The following SAGE1 variants were observed in gnomAD, a reference collection of about 807,000 sequenced individuals.
The protein encoded by SAGE1 is sarcoma antigen 1, also known as cancer/testis antigen 14.
Under a neutral mutation model 55.4 loss-of-function variants are expected in SAGE1, and 55 were observed. The ratio of observed to expected loss-of-function variants is 0.99; its 90% confidence interval spans 0.80 to 1.24. The LOEUF (loss-of-function observed/expected upper bound fraction) is 1.24. Ranked by LOEUF, SAGE1 falls within the 50% of genes most tolerant of loss-of-function variation. The probability of loss-of-function intolerance (pLI) is 0.00; values close to 1 mark genes in which losing one functional copy is unlikely to be tolerated. For missense variants in SAGE1, 710 were observed against 704.4 expected (o/e 1.01, Z -0.09); for synonymous variants, 240 against 244.3 (o/e 0.98, Z 0.17).
At chrX:135,894,133 G>C (rs1314917242) in intron 1 of SAGE1, among the ~76,000 whole-genome samples, 1 of 111,917 alleles carries the variant, frequency 8.9e-6, no homozygotes, top group Non-Finnish European at 1.9e-5. Context: ...GAGTGCAATG[G>C]CATGATCTTG....
intron 2 of SAGE1, among the ~76,000 whole-genome samples, chrX:135,897,762 T>A (rs1457227822): frequency 9.0e-6 from 1 of 111,227 alleles, no homozygotes; most frequent in Non-Finnish European, 1.9e-5. Flanking sequence ...ACTGCACCTA[T>A]GAACCCATCA....
intron 1 of SAGE1, 120 bp from the exon 2 acceptor site, chrX:135,896,123 T>G (rs1556593464): frequency 4.1e-6 from 2 of 490,410 alleles, no homozygotes; most frequent in Non-Finnish European, 7.4e-6. Flanking sequence ...TGTGATCATG[T>G]ACTCTCAAGA....
At position 135,904,481 on chromosome X, in the gene SAGE1, T is replaced by C. The variant is rs781864108; in HGVS notation, c.225T>C (p.Ala75=). 57 of 1,200,816 alleles carry C rather than the reference T, an allele frequency of 4.7e-5. No individual in the cohort carries two copies. Among genetic ancestry groups the C allele is most frequent in the Non-Finnish European group, 6.1e-5 (54 of 887,025 alleles). ...MSSWLDKQED[A]AVTHSICEER... ...ACCACTTCATTTGGTTTCCAGATGC[T>C]GCAGTCACTCACAGCATTTGTGAAG... Residue 75 remains alanine (A), a synonymous_variant, in exon 4 of 20, where the codon GCT becomes GCC. Transcript: ENST00000370709.
chrX:135,907,985 C>A, intron 10 of SAGE1, 104 bp from the exon 11 acceptor site: 1 of 1,064,746 alleles, frequency 9.4e-7, no homozygotes, highest in South Asian at 2.1e-5. Context: ...TATCCTAGTT[C>A]CTTAGGAGAT....
intron 14 of SAGE1, 67 bp from the exon 15 acceptor site, chrX:135,909,963 A>C: frequency 9.2e-7 from 1 of 1,089,138 alleles, no homozygotes; most frequent in Non-Finnish European, 1.2e-6. Context: ...GAGCATCAGG[A>C]AGATATACCT....
chrX:135,904,260 T>C (rs1420843052), intron 3 of SAGE1, among the ~76,000 whole-genome samples: 1 of 112,104 alleles, frequency 8.9e-6, no homozygotes, highest in Non-Finnish European at 1.9e-5. Context: ...CTACGAGGAT[T>C]CCACTACGCA....
rs782644951 is a variant in SAGE1 at position 135,912,068 on chromosome X, A to G, written c.2521+115A>G. 3.1e-5 allele frequency: 35 copies of G among 1,115,072 alleles called. No individual in the cohort carries two copies. The African/African-American group carries it at 5.4e-4, about 17-fold the overall frequency. The allele number at this position is 1,115,072 out of a possible 1,213,427, so 91.9% of individuals were successfully genotyped here. ...TTGTTTGGCTGAATTGGATCTATAT[A>G]TAATTTAGCATGGCTTTACTTTAAT... On this transcript the variant is annotated intron_variant, in intron 18 of 19. Coordinates refer to ENST00000370709, the MANE Select transcript of SAGE1 (RefSeq NM_001381902.1).
chrX:135,895,317 A>G (rs2088568959), intron 1 of SAGE1, among the ~76,000 whole-genome samples: 1 of 112,075 alleles, frequency 8.9e-6, no homozygotes, highest in Non-Finnish European at 1.9e-5. Flanking sequence ...AGTATCCAGG[A>G]TAATTGGCAA....
intron 19 of SAGE1, 97 bp from the exon 20 acceptor site, chrX:135,912,701 T>A: frequency 8.8e-7 from 1 of 1,131,498 alleles, no homozygotes; most frequent in Non-Finnish European, 1.2e-6. Flanking sequence ...TCTGTTTGCA[T>A]GTAGATGGTA....
At chrX:135,908,318 C>A (rs1318205089) in intron 11 of SAGE1, 89 bp downstream of exon 11, 2 of 1,043,036 alleles carry the variant, frequency 1.9e-6, no homozygotes, top group Non-Finnish European at 2.6e-6. Flanking sequence ...ATTATATTGT[C>A]TTTCGTGAGT....
At chrX:135,906,692 A>G (rs1207069302) in intron 7 of SAGE1, 141 bp downstream of exon 7, 2 of 722,473 alleles carry the variant, frequency 2.8e-6, no homozygotes, top group African/African-American at 4.4e-5. Flanking sequence ...AAGTTTGTTT[A>G]TTTGTATTAC....
chrX:135,905,940 A>T, intron 5 of SAGE1, 84 bp from the exon 6 acceptor site: 1 of 833,214 alleles, frequency 1.2e-6, no homozygotes, highest in Non-Finnish European at 1.7e-6. Flanking sequence ...ATAATTTCCT[A>T]GAAACTGAGC....
chrX:135,902,923 C>T (rs1462637513), intron 3 of SAGE1, among the ~76,000 whole-genome samples: 1 of 111,796 alleles, frequency 8.9e-6, no homozygotes, highest in Admixed American at 9.5e-5. Flanking sequence ...GCTCATCTAT[C>T]GCATACTCTC....
Position 135,906,076 on chromosome X carries a change from C to G in SAGE1, c.507C>G (p.Pro169=), listed in dbSNP as rs2088781637. The part of the protein sequence containing the change: ...IREERMENGQ[P]QPDNVLSTGP... ...AAGAGAGAATGGAAAATGGCCAACC[C>G]CAACCTGATAACGTCTTGTCAACTG... Residue 169 remains proline (P), a synonymous_variant, in exon 6 of 20, where the codon CCC becomes CCG. Coordinates refer to ENST00000370709, the MANE Select transcript of SAGE1 (RefSeq NM_001381902.1). The G allele has an allele frequency of 8.3e-7, 1 of 1,204,070 alleles. No homozygotes were observed. Among genetic ancestry groups the G allele is most frequent in the Non-Finnish European group, 1.1e-6 (1 of 890,305 alleles).
chrX:135,897,115 C>T (rs1209346130), intron 2 of SAGE1, among the ~76,000 whole-genome samples: 1 of 111,953 alleles, frequency 8.9e-6, no homozygotes, highest in East Asian at 2.8e-4. Context: ...ATCCAAGTCA[C>T]TAGTGCTCTG....
intron 10 of SAGE1, 38 bp from the exon 11 acceptor site, chrX:135,908,051 A>G: frequency 8.3e-7 from 1 of 1,199,434 alleles, no homozygotes; most frequent in Non-Finnish European, 1.1e-6. Flanking sequence ...GACATACTGC[A>G]CTTACCTCAC....
At chrX:135,896,899 G>T (rs781917168) in intron 2 of SAGE1, among the ~76,000 whole-genome samples, 1 of 111,608 alleles carries the variant, frequency 9.0e-6, no homozygotes, top group Admixed American at 9.5e-5. Flanking sequence ...GCTCATAGTT[G>T]TTCTGCAGAT....
intron 1 of SAGE1, among the ~76,000 whole-genome samples, chrX:135,895,030 A>G (rs1382436929): frequency 1.8e-5 from 2 of 111,406 alleles, no homozygotes; most frequent in African/African-American, 6.5e-5. Context: ...AAAGGAAAGT[A>G]TGTATTAACC....
At chrX:135,895,032 G>C (rs782449290) in intron 1 of SAGE1, among the ~76,000 whole-genome samples, 1 of 111,223 alleles carries the variant, frequency 9.0e-6, no homozygotes, top group Admixed American at 9.6e-5. Flanking sequence ...AGGAAAGTAT[G>C]TATTAACCAG....
Sources: gnomAD v4.1 joint callset for allele counts (sites outside exome capture counted in the v4.1 genomes callset) on GRCh38, gnomAD v4.1.1 for gene constraint, MANE v1.5 for transcripts, NCBI Gene and HGNC (gene_info 2026-07-23, HGNC 2026-07-21) for gene names.